RUBCNL: variants seen among roughly 807,000 people sequenced by gnomAD.
RUBCNL encodes the protein protein associated with UVRAG as autophagy enhancer.
In RUBCNL, 62 loss-of-function variants were observed where a neutral mutation model predicts 69.5. That is an observed-to-expected ratio of 0.89 (90% CI 0.73 to 1.10). The LOEUF is 1.10. RUBCNL is among the 50% of genes least tolerant of loss of function. The probability of loss-of-function intolerance (pLI) is 0.00; values close to 1 mark genes in which losing one functional copy is unlikely to be tolerated. For missense variants in RUBCNL, 768 were observed against 798.1 expected (o/e 0.96, Z 0.45); for synonymous variants, 291 against 303.6 (o/e 0.96, Z 0.43).
rs553726624 is a variant in RUBCNL, at chr13:46,337,655, C to A, written c.*5730G>T. 1.5e-4 allele frequency among the ~76,000 whole-genome samples: 23 copies of A among 152,232 alleles called. 2 individuals are homozygous for A. The highest frequency in any genetic ancestry group is 5.3e-4 in the African/African-American group (22 of 41,520). On this transcript the variant is annotated 3_prime_UTR_variant, in exon 15 of 15. Coordinates refer to ENST00000429979, the MANE Select transcript of RUBCNL (RefSeq NM_025113.5). ...TTATTATAGCAGCCTAAACAGACTACGACAGTGACAAACCTGTTCCCTCAG... is the reference window on the plus strand; with the variant it reads ...TTATTATAGCAGCCTAAACAGACTAAGACAGTGACAAACCTGTTCCCTCAG...
At chr13:46,351,828 C>T (rs960466690) in intron 10 of RUBCNL, among the ~76,000 whole-genome samples, 1 of 129,778 alleles carries the variant, frequency 7.7e-6, no homozygotes, top group African/African-American at 2.9e-5. Context: ...GCTCTTTACA[C>T]TTTTTTTTTT....
upstream of RUBCNL, chr13:46,387,329 C>A: frequency 1.0e-6 from 1 of 985,550 alleles, no homozygotes; most frequent in Non-Finnish European, 1.2e-6. Context: ...CGGGGGCCAC[C>A]GTAGCTCTCT....
Position 46,359,617 on chromosome 13 carries a change from C to T in RUBCNL, c.1134G>A (p.Glu378=), listed in dbSNP as rs755020388. The change falls in exon 9 of 15, where the codon GAG becomes GAA. Residue 378 remains glutamate (E), a synonymous_variant. Transcript: ENST00000429979. The part of the protein sequence containing the change: ...SAAGSIVVNE[E]CVRKDFESSM... ...TGGATTCAAAGTCTTTTCGGACACA[C>T]TCTTCATTTACGACCTGCATAAGAC... 118 of 1,590,578 alleles carry T rather than the reference C, an allele frequency of 7.4e-5. No homozygotes were observed. Among genetic ancestry groups the T allele is most frequent in the Non-Finnish European group, 9.5e-5 (111 of 1,167,512 alleles).
At position 46,334,943 on chromosome 13, in the gene RUBCNL, G is replaced by A. The variant is rs964407862; in HGVS notation, c.*8442C>T. On this transcript the variant is annotated 3_prime_UTR_variant, in exon 15 of 15. Coordinates refer to ENST00000429979, the MANE Select transcript of RUBCNL (RefSeq NM_025113.5). ...TGTACCCCAAAGGAAAGTGGGGGAA[G>A]ATTTGGGGGTATACTAAGGGCAAGA... Among the ~76,000 whole-genome samples the A allele has an allele frequency of 2.6e-5, 4 of 152,160 alleles. No individual in the cohort carries two copies. The highest frequency in any genetic ancestry group is 2.6e-4 in the Admixed American group (4 of 15,272).
rs550154231 is a variant in RUBCNL at position 46,361,434 on chromosome 13, T to C, written c.1119+7A>G. ...TCAATTCAAGGTCAATTTTTTTTGA[T>C]ACTTACTATCGAGCCAGCTGCACTC... On this transcript the variant is annotated splice_region_variant and intron_variant, in intron 8 of 14. Coordinates refer to ENST00000429979, the MANE Select transcript of RUBCNL (RefSeq NM_025113.5). 1.9e-6 allele frequency: 3 copies of C among 1,612,910 alleles called. No homozygotes were observed. Among genetic ancestry groups the C allele is most frequent in the East Asian group, 2.2e-5 (1 of 44,874 alleles).
At chr13:46,345,326 T>C in intron 13 of RUBCNL, 121 bp downstream of exon 13, 1 of 1,218,778 alleles carries the variant, frequency 8.2e-7, no homozygotes, top group Non-Finnish European at 1.1e-6. Context: ...AGTTTTCTCA[T>C]CTCTAACTAG....
Position 46,340,485 on chromosome 13 carries a change from A to G in RUBCNL, c.*2900T>C, listed in dbSNP as rs540798020. ...TTTCTAATCCTTATCTCAACTGCAG[A>G]GAGTCATATCCCTCATTTTACAAAC... On this transcript the variant is annotated 3_prime_UTR_variant, in exon 15 of 15. Coordinates refer to ENST00000429979, the MANE Select transcript of RUBCNL (RefSeq NM_025113.5). Among the ~76,000 whole-genome samples the G allele has an allele frequency of 6.6e-6, 1 of 152,282 alleles. No homozygotes were observed. The highest frequency in any genetic ancestry group is 1.9e-4 in the East Asian group (1 of 5,184).
chr13:46,378,089 A>T, intron 1 of RUBCNL, 84 bp from the exon 2 acceptor site: 2 of 683,392 alleles, frequency 2.9e-6, no homozygotes, highest in Non-Finnish European at 4.7e-6. Flanking sequence ...GTAGTGTGTT[A>T]GTTATTCAGT....
chr13:46,347,570 C>T (rs1296352360), intron 12 of RUBCNL, among the ~76,000 whole-genome samples: 5 of 152,156 alleles, frequency 3.3e-5, no homozygotes, highest in African/African-American at 7.2e-5. Flanking sequence ...CCCTGGTATA[C>T]TCATGGTCAT....
Position 46,371,950 on chromosome 13 carries a change from C to T in RUBCNL, c.526G>A (p.Ala176Thr), listed in dbSNP as rs748022849. 6.8e-6 allele frequency: 11 copies of T among 1,613,712 alleles called. No individual in the cohort carries two copies. In the African/African-American group the frequency reaches 1.5e-4, roughly 22 times the overall value. ...CACCTACTAAAATTACCTTCATCAG[C>T]AGCAGATGTCAGATGGGAAGGCTCA... Reference protein sequence around the residue: ...FFEPSHLTSAADEGAVQVSRR... With the variant: ...FFEPSHLTSATDEGAVQVSRR... Residue 176 changes from alanine (A) to threonine (T), a missense_variant, in exon 3 of 15, where the codon GCT becomes ACT. Transcript: ENST00000429979.
chr13:46,353,971 A>G (rs947005841), intron 10 of RUBCNL, among the ~76,000 whole-genome samples: 1 of 152,226 alleles, frequency 6.6e-6, no homozygotes, highest in Non-Finnish European at 1.5e-5. Context: ...AATAAAGCTA[A>G]CTAAAGAGAA....
intron 1 of RUBCNL, among the ~76,000 whole-genome samples, chr13:46,386,264 G>T (rs2049242323): frequency 6.6e-6 from 1 of 152,092 alleles, no homozygotes; most frequent in Non-Finnish European, 1.5e-5. Context: ...GACTTGCCAA[G>T]ATCTCCCCGC....
At chr13:46,363,046 T>A in intron 6 of RUBCNL, 69 bp downstream of exon 6, 1 of 784,188 alleles carries the variant, frequency 1.3e-6, no homozygotes, top group Non-Finnish European at 2.0e-6. Context: ...GTGTGATGCA[T>A]GTTAGTGTGT....
intron 5 of RUBCNL, among the ~76,000 whole-genome samples, chr13:46,363,613 G>A (rs907920998): frequency 7.9e-5 from 12 of 152,088 alleles, no homozygotes; most frequent in Non-Finnish European, 1.5e-4. Context: ...AGCTACTCAG[G>A]AGGCTGAGGT....
chr13:46,350,210 T>C lies in RUBCNL; in HGVS notation c.1472A>G (p.Lys491Arg), dbSNP rs763648996. ...FKKYYVSNFS[K>R]QLLDSIWHQP... ...GTGCCATATGCTGTCGAGCAGCTGT[T>C]TGGAGAAATTGCTGACGTAGTACTT... Residue 491 changes from lysine (K) to arginine (R), a missense_variant, in exon 11 of 15, where the codon AAA becomes AGA. By Grantham distance (26) the Lys-to-Arg change is conservative. Transcript: ENST00000429979. 3 of 1,593,368 alleles carry C rather than the reference T, an allele frequency of 1.9e-6. No homozygotes were observed. The highest frequency in any genetic ancestry group is 1.8e-5 in the Admixed American group (1 of 56,810).
At position 46,372,246 on chromosome 13, in the gene RUBCNL, C is replaced by T; in HGVS notation, c.230G>A (p.Gly77Glu). Reference sequence around the variant, plus strand: ...GGCAGCATCTGTCACAAAATGGGTCCCACTGTTCCCTGCTGCTGGCACCTG... The same window carrying T: ...GGCAGCATCTGTCACAAAATGGGTCTCACTGTTCCCTGCTGCTGGCACCTG... Reference protein sequence around the residue: ...QSQVPAAGNSGTHFVTDAASP... With the variant: ...QSQVPAAGNSETHFVTDAASP... Residue 77 changes from glycine to glutamate, a missense_variant, in exon 3 of 15, where the codon GGG becomes GAG. Physicochemically the swap from Gly to Glu is moderately conservative, Grantham distance 98. Transcript: ENST00000429979. The T allele has an allele frequency of 6.2e-7, 1 of 1,613,976 alleles. No homozygotes were observed.
At chr13:46,343,616 T>C in intron 14 of RUBCNL, 119 bp from the exon 15 acceptor site, 4 of 1,063,652 alleles carry the variant, frequency 3.8e-6, no homozygotes, top group Non-Finnish European at 5.3e-6. Flanking sequence ...CAGAGTCTTC[T>C]AAAAAGAAAC....
intron 12 of RUBCNL, among the ~76,000 whole-genome samples, chr13:46,348,290 T>C (rs1448620777): frequency 1.3e-5 from 2 of 152,328 alleles, no homozygotes; most frequent in East Asian, 3.9e-4. Context: ...GTTAATACTT[T>C]AATGCCACTG....
chr13:46,344,670 T>C (rs960125554), intron 14 of RUBCNL, 71 bp downstream of exon 14: 5 of 994,036 alleles, frequency 5.0e-6, no homozygotes, highest in Non-Finnish European at 7.7e-6. Context: ...GTTAATTTTG[T>C]GCTTAAGTTA....
Sources: allele counts gnomAD v4.1 joint callset (sites outside exome capture counted in the v4.1 genomes callset), GRCh38; gene constraint gnomAD v4.1.1; transcripts MANE v1.5; gene names NCBI Gene and HGNC (gene_info 2026-07-23, HGNC 2026-07-21).